KLRG1: variants seen among roughly 807,000 people sequenced by gnomAD.
KLRG1 encodes killer cell lectin like receptor G1, also known as killer cell lectin-like receptor subfamily G member 1.
KLRG1 carries 16 observed loss-of-function variants against 21.8 expected under a neutral mutation model. The observed-to-expected ratio is 0.73, with a 90% CI of 0.50 to 1.11. The LOEUF (loss-of-function observed/expected upper bound fraction) is 1.11. Ranked by LOEUF, KLRG1 falls within the 50% of genes most tolerant of loss-of-function variation. The pLI is 0.00. For synonymous variants in KLRG1, 69 were observed against 75.9 expected (o/e 0.91, Z 0.47); for missense variants, 173 against 218.3 (o/e 0.79, Z 1.31).
At chr12:9,160,189 G>A in the KLRG1 span, 1 of 1,093,400 alleles carries the variant, frequency 9.1e-7, no homozygotes, top group Non-Finnish European at 1.3e-6. Flanking sequence ...TCCTATTAGA[G>A]TGTGGGAAGA....
At chr12:9,125,058 G>A in the KLRG1 span, among the ~76,000 whole-genome samples, 595 of 152,324 alleles carry the variant, frequency 3.9e-3, 5 homozygotes, top group Non-Finnish European at 5.3e-3. Context: ...AGCAGGAGAC[G>A]ATGGGACAAC....
At chr12:9,165,214 C>A in the KLRG1 span, 1 of 1,614,158 alleles carries the variant, frequency 6.2e-7, no homozygotes, top group Non-Finnish European at 8.5e-7. Flanking sequence ...CAGAGTAAGG[C>A]ATTGTGAGCT....
At chr12:9,077,202 T>G in the KLRG1 span, 2 of 866,228 alleles carry the variant, frequency 2.3e-6, no homozygotes, top group Non-Finnish European at 3.5e-6. Flanking sequence ...GCTGACCAAA[T>G]TCTCTGTAGA....
chr12:9,068,239 AC>A, the KLRG1 span: 2 of 1,603,010 alleles, frequency 1.2e-6, no homozygotes, highest in South Asian at 1.1e-5. Context: ...AAAAAAAAAA[AC>A]CAACAAAAAA....
chr12:8,969,423 A>G (rs1271221368), intron 1 of KLRG1, among the ~76,000 whole-genome samples: 4 of 152,104 alleles, frequency 2.6e-5, no homozygotes, highest in East Asian at 3.9e-4. Context: ...GCCCAGTGTC[A>G]TGGATTTGAG....
intron 1 of KLRG1, among the ~76,000 whole-genome samples, chr12:8,977,417 T>C (rs2137275716): frequency 6.8e-6 from 1 of 146,896 alleles, no homozygotes. Flanking sequence ...GGTTTCACCA[T>C]GTTAGCCAGG....
At chr12:9,044,712 G>A in the KLRG1 span, among the ~76,000 whole-genome samples, 3 of 151,970 alleles carry the variant, frequency 2.0e-5, no homozygotes, top group Admixed American at 2.0e-4. Context: ...CTAGATAGTG[G>A]TAAATATTGG....
At chr12:8,989,462 A>G (rs368408124), upstream of KLRG1, 44 of 544,768 alleles carry the variant, frequency 8.1e-5, no homozygotes, top group South Asian at 8.7e-4. Context: ...AACTTACAAT[A>G]TTAATTTCTA....
chr12:9,045,285 G>T, the KLRG1 span, among the ~76,000 whole-genome samples: 1 of 152,122 alleles, frequency 6.6e-6, no homozygotes, highest in Non-Finnish European at 1.5e-5. Flanking sequence ...GACCTGTGAG[G>T]CTTAGATCCT....
the KLRG1 span, chr12:9,157,682 T>C: frequency 8.1e-7 from 1 of 1,238,574 alleles, no homozygotes; most frequent in Non-Finnish European, 1.2e-6. Context: ...AAAAGATACT[T>C]GAGACTCAAC....
At chr12:8,979,977 T>G (rs1946728484) in intron 1 of KLRG1, among the ~76,000 whole-genome samples, 1 of 152,202 alleles carries the variant, frequency 6.6e-6, no homozygotes, top group Non-Finnish European at 1.5e-5. Flanking sequence ...CATGGCTCAC[T>G]GCAACCTCTG....
chr12:9,033,467 G>A, the KLRG1 span, among the ~76,000 whole-genome samples: 1 of 151,814 alleles, frequency 6.6e-6, no homozygotes, highest in Admixed American at 6.6e-5. Context: ...GATTACTGGG[G>A]TATTTCCCCT....
intron 1 of KLRG1, among the ~76,000 whole-genome samples, chr12:8,961,254 T>C (rs1268546922): frequency 6.6e-6 from 1 of 152,196 alleles, no homozygotes; most frequent in Non-Finnish European, 1.5e-5. Context: ...TTTGTGTCTT[T>C]AGCTAATATT....
chr12:9,183,036 C>T, the KLRG1 span, among the ~76,000 whole-genome samples: 1 of 152,052 alleles, frequency 6.6e-6, no homozygotes, highest in Non-Finnish European at 1.5e-5. Context: ...CAGAGTCTCT[C>T]GACATTGTTG....
chr12:9,033,208 G>A, the KLRG1 span, among the ~76,000 whole-genome samples: 8 of 152,144 alleles, frequency 5.3e-5, no homozygotes, highest in Admixed American at 5.2e-4. Flanking sequence ...AGGCCAAGGA[G>A]GGAAGATCGC....
intron 3 of KLRG1, among the ~76,000 whole-genome samples, chr12:8,998,369 G>T (rs1947200096): frequency 6.6e-6 from 1 of 151,756 alleles, no homozygotes; most frequent in South Asian, 2.1e-4. Context: ...TAAGTCTAAG[G>T]CTACAAATCT....
At chr12:9,037,705 G>A in the KLRG1 span, among the ~76,000 whole-genome samples, 1 of 152,088 alleles carries the variant, frequency 6.6e-6, no homozygotes, top group African/African-American at 2.4e-5. Flanking sequence ...CATTTTTAAT[G>A]TTTTATACTG....
At chr12:9,162,597 C>A in the KLRG1 span, 1 of 1,582,850 alleles carries the variant, frequency 6.3e-7, no homozygotes, top group East Asian at 2.2e-5. Flanking sequence ...GGACTCTTAC[C>A]TGAGGCACAG....
the KLRG1 span, among the ~76,000 whole-genome samples, chr12:9,209,527 G>GT: frequency 2.6e-5 from 4 of 152,020 alleles, no homozygotes; most frequent in East Asian, 7.7e-4. Context: ...TGCCAAGTTT[G>GT]TTTAAGGTCA....
Sources: gnomAD v4.1 joint callset for allele counts (sites outside exome capture counted in the v4.1 genomes callset) on GRCh38, gnomAD v4.1.1 for gene constraint, MANE v1.5 for transcripts, NCBI Gene and HGNC (gene_info 2026-07-23, HGNC 2026-07-21) for gene names.